Variants in CSMD1 observed in about 807,000 individuals in gnomAD.
CSMD1 encodes the protein CUB and Sushi multiple domains 1.
CSMD1 carries 213 observed loss-of-function variants against 417.5 expected under a neutral mutation model. The observed-to-expected ratio is 0.51, with a 90% CI of 0.46 to 0.57. CSMD1 has a LOEUF of 0.57. Ranked by LOEUF, CSMD1 falls within the 20% of genes least tolerant of loss-of-function variation. CSMD1 has a pLI of 0.00. For synonymous variants in CSMD1, 2,862 were observed against 1,736.8 expected (o/e 1.65, Z -16.11); for missense variants, 6,923 against 4,529.7 (o/e 1.53, Z -15.17).
chr8:3,445,994 T>G (rs1170627625), intron 12 of CSMD1, among the ~76,000 whole-genome samples: 1 of 151,964 alleles, frequency 6.6e-6, no homozygotes, highest in Non-Finnish European at 1.5e-5. Flanking sequence ...GAGAAGGGAA[T>G]GTAATGGAAA....
chr8:4,754,743 G>A (rs1236743350), intron 1 of CSMD1, among the ~76,000 whole-genome samples: 1 of 152,128 alleles, frequency 6.6e-6, no homozygotes, highest in Non-Finnish European at 1.5e-5. Context: ...CAGCTACTCA[G>A]GAGGCTGAGG....
chr8:3,129,160 G>A (rs528710670), intron 41 of CSMD1, among the ~76,000 whole-genome samples: 1 of 152,286 alleles, frequency 6.6e-6, no homozygotes, highest in Non-Finnish European at 1.5e-5. Context: ...CTCCTACGTG[G>A]GAATGCAGGA....
chr8:3,052,776 T>A, intron 49 of CSMD1, 129 bp from the exon 50 acceptor site: 1 of 632,856 alleles, frequency 1.6e-6, no homozygotes, highest in Non-Finnish European at 2.3e-6. Context: ...TATTTCTTTT[T>A]TTTTCTTTCT....
intron 4 of CSMD1, 67 bp downstream of exon 4, chr8:4,031,838 T>A (rs1410387854): frequency 1.6e-6 from 2 of 1,251,494 alleles, no homozygotes; most frequent in African/African-American, 1.5e-5. Flanking sequence ...GAAACTTTCA[T>A]AAAAGCATCT....
intron 7 of CSMD1, among the ~76,000 whole-genome samples, chr8:3,638,918 G>A (rs906108112): frequency 2.6e-5 from 4 of 152,144 alleles, no homozygotes; most frequent in African/African-American, 9.7e-5. Context: ...CGAATAGCCT[G>A]ATATTTATTT....
intron 3 of CSMD1, among the ~76,000 whole-genome samples, chr8:4,381,411 T>A (rs1181413593): frequency 6.6e-6 from 1 of 152,110 alleles, no homozygotes; most frequent in Non-Finnish European, 1.5e-5. Context: ...CCATGAATAT[T>A]TCCTGACGTA....
chr8:3,345,564 C>G (rs542161950), intron 22 of CSMD1, among the ~76,000 whole-genome samples: 4 of 152,162 alleles, frequency 2.6e-5, no homozygotes, highest in South Asian at 2.1e-4. Context: ...ACAGGCTACA[C>G]CTGTTCTGTA....
chr8:3,536,023 C>A (rs1267524612), intron 10 of CSMD1, among the ~76,000 whole-genome samples: 4 of 152,152 alleles, frequency 2.6e-5, no homozygotes, highest in Non-Finnish European at 5.9e-5. Context: ...GTGACCTCCT[C>A]AAGCCAGCGA....
chr8:4,538,093 T>C (rs1378794984), intron 2 of CSMD1, among the ~76,000 whole-genome samples: 3 of 152,074 alleles, frequency 2.0e-5, no homozygotes, highest in African/African-American at 7.2e-5. Context: ...TCTTGCTAGG[T>C]ATCAATAAAA....
chr8:4,806,352 G>A (rs936012115), intron 1 of CSMD1, among the ~76,000 whole-genome samples: 9 of 152,094 alleles, frequency 5.9e-5, no homozygotes, highest in African/African-American at 1.2e-4. Flanking sequence ...AGTTTTCAGC[G>A]TTGCAGTATT....
intron 2 of CSMD1, among the ~76,000 whole-genome samples, chr8:4,628,947 A>G (rs1394232033): frequency 1.3e-5 from 2 of 152,186 alleles, no homozygotes; most frequent in Non-Finnish European, 2.9e-5. Flanking sequence ...TACTGTGTTT[A>G]TTCTTAAATG....
At chr8:4,546,391 G>A (rs899194519) in intron 2 of CSMD1, among the ~76,000 whole-genome samples, 4 of 152,160 alleles carry the variant, frequency 2.6e-5, no homozygotes, top group African/African-American at 4.8e-5. Flanking sequence ...GTCTGTGAGG[G>A]GGTTTCTAGA....
intron 4 of CSMD1, among the ~76,000 whole-genome samples, chr8:4,021,925 T>C (rs533377881): frequency 6.6e-6 from 1 of 152,150 alleles, no homozygotes; most frequent in East Asian, 1.9e-4. Context: ...CAAAGCTGAC[T>C]AGCTCTTTTG....
chr8:3,456,805 T>A (rs1416678117), intron 12 of CSMD1, among the ~76,000 whole-genome samples: 1 of 152,102 alleles, frequency 6.6e-6, no homozygotes, highest in East Asian at 1.9e-4. Context: ...ATGAGGCTAC[T>A]AAAGGCCAGG....
intron 5 of CSMD1, among the ~76,000 whole-genome samples, chr8:3,970,154 T>C (rs190843073): frequency 6.6e-6 from 1 of 152,240 alleles, no homozygotes; most frequent in East Asian, 1.9e-4. Context: ...TCATTTTATG[T>C]GACATTTGGC....
intron 2 of CSMD1, among the ~76,000 whole-genome samples, chr8:4,423,424 G>T (rs1432996093): frequency 6.6e-6 from 1 of 151,768 alleles, no homozygotes; most frequent in Non-Finnish European, 1.5e-5. Context: ...CAATGAACAC[G>T]TTGACATCAA....
At chr8:4,273,508 A>C (rs1393019239) in intron 3 of CSMD1, among the ~76,000 whole-genome samples, 1 of 152,182 alleles carries the variant, frequency 6.6e-6, no homozygotes, top group African/African-American at 2.4e-5. Flanking sequence ...TTAAGTAGCA[A>C]ATAAGAATAG....
In CSMD1 at chr8:3,093,966, G is replaced by A. The variant is rs74505914; in HGVS notation, c.7139-2304C>T. Among the ~76,000 whole-genome samples the A allele has an allele frequency of 5.2e-3, 786 of 152,160 alleles. 8 individuals are homozygous for A. Among genetic ancestry groups the A allele is most frequent in the African/African-American group, 0.018 (751 of 41,502 alleles). On this transcript the variant is annotated intron_variant, in intron 47 of 69. Transcript: ENST00000635120. ...TTGGTATGTTGGTTTGCTTTTTGGC[G>A]TTTAAAAGGATAATGTATATTCTGA... is the stretch of plus-strand genomic sequence containing the variant.
At chr8:3,056,170 G>A (rs894812148) in intron 49 of CSMD1, among the ~76,000 whole-genome samples, 2 of 152,160 alleles carry the variant, frequency 1.3e-5, no homozygotes, top group African/African-American at 4.8e-5. Context: ...AAGTTGGTAG[G>A]TAGTAAGATG....
Sources: allele counts gnomAD v4.1 joint callset (sites outside exome capture counted in the v4.1 genomes callset), GRCh38; gene constraint gnomAD v4.1.1; transcripts MANE v1.5; gene names NCBI Gene and HGNC (gene_info 2026-07-23, HGNC 2026-07-21).